CPNE4: variants seen among roughly 807,000 people sequenced by gnomAD.
The protein encoded by CPNE4 is copine 4.
A neutral mutation model predicts 67.9 loss-of-function variants in CPNE4; 25 were observed. The observed-to-expected ratio is 0.37, with a 90% CI of 0.27 to 0.51. The LOEUF (loss-of-function observed/expected upper bound fraction) is 0.51, where lower values mean the gene tolerates loss of function less well. Among genes scored for constraint, CPNE4 ranks in the 20% least tolerant of loss-of-function variants. The pLI is 0.93. For missense variants in CPNE4, 464 were observed against 690.8 expected, an observed-to-expected ratio of 0.67 and a Z score of 3.68; for synonymous variants, 242 against 244.9, an observed-to-expected ratio of 0.99 and a Z score of 0.11.
intron 1 of CPNE4, among the ~76,000 whole-genome samples, chr3:131,983,933 G>GA (rs1470255086): frequency 6.6e-6 from 1 of 152,162 alleles, no homozygotes; most frequent in African/African-American, 2.4e-5. Flanking sequence ...CAGTGCTGTG[G>GA]ATATGGGAGA....
intron 7 of CPNE4, among the ~76,000 whole-genome samples, chr3:131,643,114 C>T (rs2079577879): frequency 6.6e-6 from 1 of 152,134 alleles, no homozygotes; most frequent in African/African-American, 2.4e-5. Context: ...ACAATTAATT[C>T]CAGGCTGAGG....
chr3:131,869,136 C>T lies in CPNE4; in HGVS notation c.180+36128G>A, dbSNP rs1169516720. ...CTCCCACACCCCATTCTCTCAACCC[C>T]TCCATATCAGCTCTAGTTCTTTTGG... is the stretch of plus-strand genomic sequence containing the variant. On this transcript the variant is annotated intron_variant, in intron 2 of 15. Coordinates refer to ENST00000429747, the MANE Select transcript of CPNE4 (RefSeq NM_130808.3). Among the ~76,000 whole-genome samples, 8 of 152,254 alleles carry T rather than the reference C, an allele frequency of 5.3e-5. No individual in the cohort carries two copies. The East Asian group carries it at 1.2e-3, about 22-fold the overall frequency.
chr3:131,622,197 C>T (rs185254378), intron 7 of CPNE4, among the ~76,000 whole-genome samples: 1 of 151,954 alleles, frequency 6.6e-6, no homozygotes, highest in Admixed American at 6.6e-5. Context: ...AAGGATAGAC[C>T]ACTGGCTGTG....
At chr3:131,808,940 C>T (rs944323044) in intron 2 of CPNE4, among the ~76,000 whole-genome samples, 9 of 152,222 alleles carry the variant, frequency 5.9e-5, no homozygotes, top group African/African-American at 2.2e-4. Context: ...TCAGAATGGA[C>T]GGAACATGTA....
chr3:131,625,958 C>G (rs926832128), intron 7 of CPNE4, among the ~76,000 whole-genome samples: 4 of 152,096 alleles, frequency 2.6e-5, no homozygotes, highest in African/African-American at 9.7e-5. Flanking sequence ...TATTATTGTA[C>G]CTATTATGGT....
At chr3:131,888,535 G>A (rs2107735683) in intron 2 of CPNE4, among the ~76,000 whole-genome samples, 1 of 152,266 alleles carries the variant, frequency 6.6e-6, no homozygotes, top group East Asian at 1.9e-4. Context: ...TATTTAATTA[G>A]CCTATAAACT....
intron 2 of CPNE4, among the ~76,000 whole-genome samples, chr3:131,807,658 G>A (rs922498732): frequency 1.3e-5 from 2 of 152,006 alleles, no homozygotes; most frequent in African/African-American, 4.8e-5. Flanking sequence ...ATTCAGTTAG[G>A]CCTAATTATC....
chr3:131,555,434 G>A (rs1215087707), intron 12 of CPNE4, 63 bp downstream of exon 12: 8 of 1,467,022 alleles, frequency 5.5e-6, no homozygotes, highest in Non-Finnish European at 7.6e-6. Flanking sequence ...CTGCTGCAAA[G>A]AAGAGCCAAG....
At chr3:131,672,486 G>A (rs1560090143) in intron 6 of CPNE4, among the ~76,000 whole-genome samples, 1 of 151,978 alleles carries the variant, frequency 6.6e-6, no homozygotes, top group East Asian at 1.9e-4. Context: ...ATCCTTGCCA[G>A]TATTTATTAT....
At chr3:132,035,301 G>C (rs542653472), upstream of CPNE4, 1 of 152,674 alleles carries the variant, frequency 6.5e-6, no homozygotes, top group South Asian at 2.1e-4. Context: ...GCGCGGGTGT[G>C]GGGGGAATGG....
In CPNE4 at chr3:131,846,899, G is replaced by A. The variant is rs548843976; in HGVS notation, c.180+58365C>T. On this transcript the variant is annotated intron_variant, in intron 2 of 15. Transcript: ENST00000429747. ...GCTAATTCCAAAGGTGGACACTCCC[G>A]GAAAATTAAGCAGAAGCTCTATTTC... Among the ~76,000 whole-genome samples the A allele has an allele frequency of 4.3e-4, 65 of 152,222 alleles. No homozygotes were observed. The South Asian group carries it at 6.2e-3, about 15-fold the overall frequency.
At chr3:131,550,446 A>T (rs1431282315) in intron 13 of CPNE4, among the ~76,000 whole-genome samples, 1 of 152,112 alleles carries the variant, frequency 6.6e-6, no homozygotes, top group Non-Finnish European at 1.5e-5. Flanking sequence ...GTCACATAGC[A>T]AGTGTGTTCA....
intron 7 of CPNE4, among the ~76,000 whole-genome samples, chr3:131,597,536 T>A (rs1445077537): frequency 6.6e-6 from 1 of 152,226 alleles, no homozygotes; most frequent in Admixed American, 6.5e-5. Context: ...GATCTGAATC[T>A]GATTCAGTTC....
chr3:131,792,696 CATATACACACACGTGTATATATGTAT>C, intron 2 of CPNE4, among the ~76,000 whole-genome samples: 1 of 44,536 alleles, frequency 2.2e-5, no homozygotes, highest in South Asian at 7.7e-4. Context: ...TGTATATATA[CATATACACACACGTGTATATATGTAT>C]ATATATACAC....
At chr3:131,760,074 C>A (rs1044470694) in intron 2 of CPNE4, among the ~76,000 whole-genome samples, 4 of 152,138 alleles carry the variant, frequency 2.6e-5, no homozygotes, top group African/African-American at 7.2e-5. Flanking sequence ...ATCTTAGTAA[C>A]AACTTTGTTT....
chr3:131,763,339 T>C (rs1487511655), intron 2 of CPNE4, among the ~76,000 whole-genome samples: 1 of 152,282 alleles, frequency 6.6e-6, no homozygotes, highest in South Asian at 2.1e-4. Context: ...TGCATTATGA[T>C]AAACCTGTCT....
intron 7 of CPNE4, among the ~76,000 whole-genome samples, chr3:131,663,519 G>GA (rs533061468): frequency 2.0e-5 from 3 of 150,450 alleles, no homozygotes; most frequent in Non-Finnish European, 3.0e-5. Flanking sequence ...AAACTTAAAG[G>GA]AAAAAAAAAG....
intron 3 of CPNE4, among the ~76,000 whole-genome samples, chr3:131,704,327 T>C (rs970314227): frequency 3.9e-5 from 6 of 152,208 alleles, no homozygotes; most frequent in Non-Finnish European, 1.5e-5. Context: ...GGGGAGGTAG[T>C]CATCCCTTGG....
At chr3:131,700,054 C>CTTTTTT (rs3035263) in intron 3 of CPNE4, 74 bp from the exon 4 acceptor site, 39 of 254,742 alleles carry the variant, frequency 1.5e-4, no homozygotes, top group Admixed American at 5.1e-4. Flanking sequence ...TTTTTTAAAC[C>CTTTTTT]TTTTTTTTTT....
Sources: allele counts gnomAD v4.1 joint callset (sites outside exome capture counted in the v4.1 genomes callset), GRCh38; gene constraint gnomAD v4.1.1; transcripts MANE v1.5; gene names NCBI Gene and HGNC (gene_info 2026-07-23, HGNC 2026-07-21).